Variants in PTK2 observed in about 807,000 individuals in gnomAD.
The protein encoded by PTK2 is focal adhesion kinase 1.
In PTK2, 45 loss-of-function variants were observed where a neutral mutation model predicts 150.1. The observed-to-expected ratio is 0.30, with a 90% CI of 0.24 to 0.38. The LOEUF (loss-of-function observed/expected upper bound fraction) is 0.38. Ranked by LOEUF, PTK2 falls within the 10% of genes least tolerant of loss-of-function variation. The pLI is 1.00. For missense variants in PTK2, 919 were observed against 1,307.3 expected, an observed-to-expected ratio of 0.70 and a Z score of 4.58; for synonymous variants, 432 against 449.2, an observed-to-expected ratio of 0.96 and a Z score of 0.48.
At chr8:140,691,235 A>T in intron 26 of PTK2, among the ~76,000 whole-genome samples, 1 of 151,918 alleles carries the variant, frequency 6.6e-6, no homozygotes. Flanking sequence ...GCTGGTCTTA[A>T]ACTCCTGTGC....
At chr8:140,821,045 G>A (rs1031751117) in intron 8 of PTK2, 2 of 152,354 alleles carry the variant, frequency 1.3e-5, no homozygotes, top group African/African-American at 4.8e-5. Context: ...ACTACAGAAA[G>A]TGAGCTGGAA....
At chr8:140,739,502 T>C (rs1200158055) in intron 20 of PTK2, among the ~76,000 whole-genome samples, 1 of 152,178 alleles carries the variant, frequency 6.6e-6, no homozygotes, top group Non-Finnish European at 1.5e-5. Flanking sequence ...ATAAATAATA[T>C]ATAGTCGATC....
intron 26 of PTK2, among the ~76,000 whole-genome samples, chr8:140,695,173 T>C (rs979074984): frequency 1.3e-5 from 2 of 152,224 alleles, no homozygotes; most frequent in African/African-American, 4.8e-5. Context: ...AATGTTATTT[T>C]TGGTGACACC....
chr8:140,716,506 T>G (rs2100039790), intron 23 of PTK2, among the ~76,000 whole-genome samples: 1 of 152,200 alleles, frequency 6.6e-6, no homozygotes, highest in African/African-American at 2.4e-5. Flanking sequence ...TCCTTCTCTC[T>G]GTAGAGGGGG....
chr8:140,830,834 T>C (rs1401329261), intron 7 of PTK2, among the ~76,000 whole-genome samples: 1 of 152,212 alleles, frequency 6.6e-6, no homozygotes, highest in Non-Finnish European at 1.5e-5. Flanking sequence ...TTATAGTGTA[T>C]TAAAAACTGT....
intron 16 of PTK2, among the ~76,000 whole-genome samples, chr8:140,759,716 T>A (rs2100068208): frequency 6.6e-6 from 1 of 151,776 alleles, no homozygotes; most frequent in African/African-American, 2.4e-5. Flanking sequence ...ATTAGCTATG[T>A]GTGGTGGCAC....
intron 26 of PTK2, among the ~76,000 whole-genome samples, chr8:140,698,924 A>ATTTT (rs10713722): frequency 3.8e-4 from 37 of 96,132 alleles, no homozygotes; most frequent in Non-Finnish European, 4.6e-4. Flanking sequence ...TAATTTTTGT[A>ATTTT]TTTTTTTTTT....
intron 1 of PTK2, among the ~76,000 whole-genome samples, chr8:140,973,479 G>C (rs1366859361): frequency 6.6e-6 from 1 of 151,798 alleles, no homozygotes; most frequent in African/African-American, 2.4e-5. Context: ...AAGAGTAAAA[G>C]GGGCACACAT....
chr8:140,746,770 G>T, exon 18 of PTK2: 1 of 1,609,584 alleles, frequency 6.2e-7, no homozygotes, highest in Non-Finnish European at 8.5e-7. Context: ...CTCTCCAAGT[G>T]TGCACAGCTC....
intron 27 of PTK2, 92 bp from the exon 31 acceptor site, chr8:140,675,591 T>C (rs1428161491): frequency 7.4e-6 from 7 of 945,054 alleles, no homozygotes; most frequent in Non-Finnish European, 8.4e-6. Flanking sequence ...CCCCTTGAAC[T>C]TCTAGGCTAG....
chr8:140,833,876 C>T (rs1019847326), intron 7 of PTK2, among the ~76,000 whole-genome samples: 9 of 152,142 alleles, frequency 5.9e-5, no homozygotes, highest in African/African-American at 2.2e-4. Flanking sequence ...TTATTAGATT[C>T]CCACATCAGT....
At chr8:140,709,005 T>C (rs2100035340) in intron 23 of PTK2, among the ~76,000 whole-genome samples, 1 of 152,102 alleles carries the variant, frequency 6.6e-6, no homozygotes, top group African/African-American at 2.4e-5. Flanking sequence ...CTGTGTATTC[T>C]GTGTGTACTG....
At chr8:140,687,826 T>C (rs934465651) in intron 26 of PTK2, among the ~76,000 whole-genome samples, 2 of 152,234 alleles carry the variant, frequency 1.3e-5, no homozygotes, top group African/African-American at 4.8e-5. Flanking sequence ...GATCCTCTGA[T>C]GGCTCAGAGG....
At chr8:140,797,750 T>A (rs183406954) in intron 12 of PTK2, among the ~76,000 whole-genome samples, 1 of 152,210 alleles carries the variant, frequency 6.6e-6, no homozygotes, top group Non-Finnish European at 1.5e-5. Context: ...TGTGGTGGAA[T>A]GCAGTCCAGG....
intron 14 of PTK2, among the ~76,000 whole-genome samples, chr8:140,768,719 AG>A (rs2100073840): frequency 6.6e-6 from 1 of 152,248 alleles, no homozygotes; most frequent in Non-Finnish European, 1.5e-5. Flanking sequence ...AGAAAGCTCT[AG>A]ATGAATTGCA....
chr8:140,900,336 AACAGCTACAAAAAAT>A (rs2100157932), intron 2 of PTK2, among the ~76,000 whole-genome samples: 1 of 152,240 alleles, frequency 6.6e-6, no homozygotes, highest in South Asian at 2.1e-4. Context: ...TCACATTTAC[AACAGCTACAAAAAAT>A]ATCAAATACC....
chr8:140,711,128 A>G (rs2100036613), intron 23 of PTK2, among the ~76,000 whole-genome samples: 1 of 151,770 alleles, frequency 6.6e-6, no homozygotes, highest in African/African-American at 2.4e-5. Flanking sequence ...ATTTTTTGAG[A>G]TGGAGTCTTG....
At chr8:140,865,071 CT>C (rs2100138494) in intron 4 of PTK2, among the ~76,000 whole-genome samples, 1 of 152,184 alleles carries the variant, frequency 6.6e-6, no homozygotes, top group Non-Finnish European at 1.5e-5. Flanking sequence ...TTTGCCTCCA[CT>C]TGGCATTTTC....
chr8:140,667,450 TTC>T (rs56914419), intron 30 of PTK2, among the ~76,000 whole-genome samples: 26 of 144,248 alleles, frequency 1.8e-4, no homozygotes, highest in African/African-American at 2.5e-4. Context: ...TCCTCTTTCT[TTC>T]TCTCTCTCTC....
Sources: allele counts gnomAD v4.1 joint callset (sites outside exome capture counted in the v4.1 genomes callset), GRCh38; gene constraint gnomAD v4.1.1; transcripts MANE v1.5; gene names NCBI Gene and HGNC (gene_info 2026-07-23, HGNC 2026-07-21).